The following CNTNAP2 variants were observed in gnomAD, a reference collection of about 807,000 sequenced individuals.
The protein encoded by CNTNAP2 is contactin-associated protein-like 2.
CNTNAP2 carries 98 observed loss-of-function variants against 155.2 expected under a neutral mutation model. The ratio of observed to expected loss-of-function variants is 0.63; its 90% CI spans 0.54 to 0.75. The LOEUF (loss-of-function observed/expected upper bound fraction) is 0.75, where lower values mean the gene tolerates loss of function less well. CNTNAP2 is among the 30% of genes least tolerant of loss of function. The pLI, the probability that CNTNAP2 is intolerant of heterozygous loss-of-function variation, is 0.00. For missense variants in CNTNAP2, 1,727 were observed against 1,688.1 expected, an observed-to-expected ratio of 1.02 and a Z score of -0.40; for synonymous variants, 651 against 631.2, an observed-to-expected ratio of 1.03 and a Z score of -0.47.
At chr7:148,392,106 G>A (rs1457538450) in intron 22 of CNTNAP2, among the ~76,000 whole-genome samples, 3 of 151,508 alleles carry the variant, frequency 2.0e-5, no homozygotes, top group African/African-American at 4.9e-5. Context: ...ATGGAGTCTC[G>A]CTCTGTCACT....
intron 10 of CNTNAP2, among the ~76,000 whole-genome samples, chr7:147,463,205 G>A (rs146683405): frequency 2.1e-4 from 32 of 152,284 alleles, no homozygotes; most frequent in African/African-American, 7.5e-4. Flanking sequence ...TCTTAGAATT[G>A]TATGGCAATA....
At chr7:146,394,644 G>T (rs1795594121) in intron 1 of CNTNAP2, among the ~76,000 whole-genome samples, 1 of 152,032 alleles carries the variant, frequency 6.6e-6, no homozygotes, top group South Asian at 2.1e-4. Flanking sequence ...ATCTCCCCAT[G>T]AATAATAAAA....
At chr7:147,122,435 A>G (rs1480258416) in intron 6 of CNTNAP2, 1 of 152,232 alleles carries the variant, frequency 6.6e-6, no homozygotes, top group African/African-American at 2.4e-5. Flanking sequence ...AGAGAAATAA[A>G]CACAAAATAA....
chr7:147,580,865 C>G lies in CNTNAP2; in HGVS notation c.1897+18608C>G, dbSNP rs531459714. On this transcript the variant is annotated intron_variant, in intron 12 of 23. Coordinates refer to ENST00000361727, the MANE Select transcript of CNTNAP2 (RefSeq NM_014141.6). ...TTCTGACCTCAGATGATCCGCCCGT[C>G]TCAGCCTCCCAAAGTGCTGGGATTA... is the stretch of plus-strand genomic sequence containing the variant. 2.0e-5 allele frequency among the ~76,000 whole-genome samples: 3 copies of G among 152,330 alleles called. No homozygotes were observed. The East Asian group carries it at 5.8e-4, about 29-fold the overall frequency.
At chr7:147,143,858 A>G (rs527872138) in intron 8 of CNTNAP2, among the ~76,000 whole-genome samples, 2 of 152,174 alleles carry the variant, frequency 1.3e-5, no homozygotes, top group Admixed American at 6.6e-5. Flanking sequence ...TTTGCCAGAA[A>G]ATGTATTCTC....
At position 146,310,359 on chromosome 7, in the gene CNTNAP2, C is replaced by T. The variant is rs549723523; in HGVS notation, c.97+193386C>T. 5.3e-5 allele frequency among the ~76,000 whole-genome samples: 8 copies of T among 152,202 alleles called. No homozygotes were observed. The South Asian group carries it at 1.7e-3, about 32-fold the overall frequency. On this transcript the variant is annotated intron_variant, in intron 1 of 23. Transcript: ENST00000361727. Reference sequence around the variant, plus strand: ...TATTAAGCTGATATTGAATTTGTATCAGTGTTTTTTATGAACTGAATTATT... The same window carrying T: ...TATTAAGCTGATATTGAATTTGTATTAGTGTTTTTTATGAACTGAATTATT...
chr7:148,108,261 A>G (rs1804266355), intron 15 of CNTNAP2, among the ~76,000 whole-genome samples: 1 of 152,042 alleles, frequency 6.6e-6, no homozygotes, highest in Admixed American at 6.6e-5. Context: ...TCCTCCTTTC[A>G]TCAGATTTTT....
At chr7:147,599,102 CTCCACTGCT>C (rs1008714917) in intron 12 of CNTNAP2, among the ~76,000 whole-genome samples, 10 of 152,098 alleles carry the variant, frequency 6.6e-5, no homozygotes, top group Non-Finnish European at 1.3e-4. Flanking sequence ...GTAAAAACTT[CTCCACTGCT>C]TCCGTCTTTT....
intron 12 of CNTNAP2, among the ~76,000 whole-genome samples, chr7:147,572,659 C>T (rs1341604352): frequency 6.6e-6 from 1 of 151,886 alleles, no homozygotes; most frequent in African/African-American, 2.4e-5. Flanking sequence ...ATCTGAAACT[C>T]TTGCCTAGTC....
At chr7:146,823,304 A>T (rs374966222) in intron 2 of CNTNAP2, among the ~76,000 whole-genome samples, 5,050 of 111,378 alleles carry the variant, frequency 0.045, 19 homozygotes, top group African/African-American at 0.24. Flanking sequence ...CTTCAGTATA[A>T]TTACATGTAA....
intron 3 of CNTNAP2, among the ~76,000 whole-genome samples, chr7:146,856,341 C>G (rs565991843): frequency 1.3e-5 from 2 of 151,290 alleles, no homozygotes; most frequent in East Asian, 3.9e-4. Context: ...TACATACATA[C>G]ATAGGCAGGC....
intron 14 of CNTNAP2, among the ~76,000 whole-genome samples, chr7:147,953,369 A>T (rs1014699229): frequency 1.3e-5 from 2 of 152,186 alleles, no homozygotes; most frequent in Non-Finnish European, 2.9e-5. Flanking sequence ...CAAAAATATC[A>T]GCATCCAGGT....
chr7:146,882,765 T>C (rs1321732215), intron 3 of CNTNAP2, among the ~76,000 whole-genome samples: 1 of 152,176 alleles, frequency 6.6e-6, no homozygotes, highest in East Asian at 1.9e-4. Context: ...GTAGCATTTC[T>C]GTACACAAAT....
chr7:147,865,095 C>T (rs13244330), intron 13 of CNTNAP2, among the ~76,000 whole-genome samples: 90,389 of 151,964 alleles, frequency 0.59, 27,153 homozygotes, highest in Middle Eastern at 0.7. Context: ...TTTTGAGATA[C>T]GTTCCATCAA....
At chr7:146,576,340 C>T (rs899848494) in intron 1 of CNTNAP2, among the ~76,000 whole-genome samples, 2 of 152,098 alleles carry the variant, frequency 1.3e-5, no homozygotes, top group Non-Finnish European at 2.9e-5. Flanking sequence ...TTACATCTTC[C>T]ACACTTTTAG....
intron 13 of CNTNAP2, among the ~76,000 whole-genome samples, chr7:147,671,397 A>G (rs1795784714): frequency 6.6e-6 from 1 of 152,212 alleles, no homozygotes; most frequent in Non-Finnish European, 1.5e-5. Context: ...CAGCTCTCAG[A>G]ACAACGCTGA....
chr7:147,221,832 A>G (rs188045644), intron 8 of CNTNAP2, among the ~76,000 whole-genome samples: 42 of 152,238 alleles, frequency 2.8e-4, no homozygotes, highest in Non-Finnish European at 4.0e-4. Flanking sequence ...CTCCTTAACC[A>G]TTGAAAGATA....
chr7:147,985,231 C>G (rs1801597302), intron 15 of CNTNAP2, among the ~76,000 whole-genome samples: 2 of 152,018 alleles, frequency 1.3e-5, no homozygotes, highest in South Asian at 4.2e-4. Context: ...TCTCTCCACT[C>G]CCATAATCTA....
chr7:146,723,439 A>G (rs1404531243), intron 1 of CNTNAP2, among the ~76,000 whole-genome samples: 1 of 152,190 alleles, frequency 6.6e-6, no homozygotes, highest in Non-Finnish European at 1.5e-5. Context: ...CTAGGGAACT[A>G]AAGGAGTTAG....
Sources: gnomAD v4.1 joint callset for allele counts (sites outside exome capture counted in the v4.1 genomes callset) on GRCh38, gnomAD v4.1.1 for gene constraint, MANE v1.5 for transcripts, NCBI Gene and HGNC (gene_info 2026-07-23, HGNC 2026-07-21) for gene names.